Variants in SLITRK5 observed in about 807,000 individuals in gnomAD.
The protein encoded by SLITRK5 is SLIT and NTRK-like protein 5.
SLITRK5 carries 23 observed loss-of-function variants against 56.2 expected under a neutral mutation model. That is an observed-to-expected ratio of 0.41 (90% confidence interval 0.29 to 0.58). The LOEUF (loss-of-function observed/expected upper bound fraction) is 0.58. Among genes scored for constraint, SLITRK5 ranks in the 20% least tolerant of loss-of-function variants. SLITRK5 has a pLI of 0.30. For synonymous variants in SLITRK5, 637 were observed against 531.8 expected (o/e 1.20, Z -2.72); for missense variants, 1,289 against 1,226.6 (o/e 1.05, Z -0.76).
At chr13:87,673,583 T>C (rs1877138719) in intron 1 of SLITRK5, 2 of 1,241,794 alleles carry the variant, frequency 1.6e-6, no homozygotes, top group Admixed American at 2.3e-5. Flanking sequence ...AGGTAAACGT[T>C]TTGCTTTCAC....
Position 87,677,659 on chromosome 13 carries a change from C to T in SLITRK5, c.2271C>T (p.Gly757=), listed in dbSNP as rs1420536942. The change falls in exon 2 of 2, where the codon GGC becomes GGT. Residue 757 remains glycine (G), a synonymous_variant. Coordinates refer to ENST00000683689, the MANE Select transcript of SLITRK5 (RefSeq NM_001384609.1). The surrounding 1 kb of genome is among the most constrained non-coding windows in gnomAD (Gnocchi z 4.7). ...ATGAATACATCCCCCACCCACTGGG[C>T]CACATGTGCAAAAACCCCATCTACC... The part of the protein sequence containing the change: ...HVYEYIPHPL[G]HMCKNPIYRS... 1.2e-6 allele frequency: 2 copies of T among 1,606,964 alleles called. No individual in the cohort carries two copies. Among genetic ancestry groups the T allele is most frequent in the South Asian group, 1.1e-5 (1 of 90,894 alleles).
chr13:87,674,098 G>A (rs1199788260), intron 1 of SLITRK5, among the ~76,000 whole-genome samples: 1 of 151,874 alleles, frequency 6.6e-6, no homozygotes, highest in Non-Finnish European at 1.5e-5. Flanking sequence ...GAAGTAGGAA[G>A]TGGAAGGAAG....
intron 1 of SLITRK5, chr13:87,672,879 G>C (rs1714181654): frequency 6.4e-6 from 1 of 157,030 alleles, no homozygotes; most frequent in South Asian, 1.9e-4. Context: ...GTGTGTGTGT[G>C]TGTGTGTGTG....
intron 1 of SLITRK5, chr13:87,673,628 G>A (rs1877141410): frequency 2.7e-6 from 2 of 745,614 alleles, no homozygotes; most frequent in Non-Finnish European, 4.1e-6. Context: ...TTTAAGCCGG[G>A]AGACGTTTAC....
Position 87,676,396 on chromosome 13 carries a change from AC to A in SLITRK5, c.1011del (p.Asn338ThrfsTer54). 1 of 1,613,998 alleles carries A rather than the reference AC, an allele frequency of 6.2e-7. No individual in the cohort carries two copies. Among genetic ancestry groups the A allele is most frequent in the Non-Finnish European group, 8.5e-7 (1 of 1,180,000 alleles). On this transcript the variant is annotated frameshift_variant, in exon 2 of 2. Coordinates refer to ENST00000683689, the MANE Select transcript of SLITRK5 (RefSeq NM_001384609.1). LOFTEE classifies it high-confidence loss of function. ...PLKPPKGTRQ[P>X]NKPRVRPTSR... Reference sequence around the variant, plus strand: ...TGAAGCCCCCTAAGGGGACTCGCCAACCCAACAAGCCCAGGGTGCGCCCCAC... The same window carrying A: ...TGAAGCCCCCTAAGGGGACTCGCCAACCAACAAGCCCAGGGTGCGCCCCAC...
rs763429082 is a variant in SLITRK5, at chr13:87,678,167, C to T, written c.2779C>T (p.Pro927Ser). 15 of 1,614,080 alleles carry T rather than the reference C, an allele frequency of 9.3e-6. No homozygotes were observed. The East Asian group carries it at 3.1e-4, about 34-fold the overall frequency. ...YSPPSAVFVE[P>S]NRNEYLELKA... is the part of the protein sequence containing the mutation. Reference sequence around the variant, plus strand: ...CCCCCCGAGTGCTGTCTTTGTAGAACCCAACCGGAACGAATATCTGGAGTT... The same window carrying T: ...CCCCCCGAGTGCTGTCTTTGTAGAATCCAACCGGAACGAATATCTGGAGTT... Residue 927 changes from proline (P) to serine (S), a missense_variant, in exon 2 of 2, where the codon CCC becomes TCC. Physicochemically the swap from Pro to Ser is moderately conservative, Grantham distance 74 (BLOSUM62 -1). Coordinates refer to ENST00000683689, the MANE Select transcript of SLITRK5 (RefSeq NM_001384609.1).
Position 87,677,914 on chromosome 13 carries a change from G to A in SLITRK5, c.2526G>A (p.Glu842=). The A allele has an allele frequency of 6.2e-7, 1 of 1,613,730 alleles. No homozygotes were observed. Among genetic ancestry groups the A allele is most frequent in the Non-Finnish European group, 8.5e-7 (1 of 1,179,838 alleles). ...GCGTCAGCACCATCGAGCCCCGGGA[G>A]GACCTGCTGTCGCCGGTGCAGGACG... ...AYSVSTIEPR[E]DLLSPVQDAD... The change falls in exon 2 of 2, where the codon GAG becomes GAA. Residue 842 remains glutamate, a synonymous_variant. Transcript: ENST00000683689. This position sits in a 1 kb window ranked among gnomAD's most constrained non-coding sequence, Gnocchi z 4.7.
chr13:87,677,556 C>A lies in SLITRK5; in HGVS notation c.2168C>A (p.Thr723Lys). 6.2e-7 allele frequency: 1 copy of A among 1,608,440 alleles called. No individual in the cohort carries two copies. Among genetic ancestry groups the A allele is most frequent in the Middle Eastern group, 1.7e-4 (1 of 6,040 alleles). ...AGCGTGTACGGCGGCGGCGGCGGCA[C>A]GGGCGGCCACCCACACGCGCACGTG... ...QYSVYGGGGG[T>K]GGHPHAHVHH... Residue 723 changes from threonine (T) to lysine (K), a missense_variant, in exon 2 of 2, where the codon ACG becomes AAG. Thr to Lys is a moderately conservative substitution (Grantham distance 78). Transcript: ENST00000683689. This position sits in a 1 kb window ranked among gnomAD's most constrained non-coding sequence, Gnocchi z 4.7.
At position 87,672,142 on chromosome 13, in the gene SLITRK5, G is replaced by A. The variant is rs1877059850; in HGVS notation, c.-76G>A. Among the ~76,000 whole-genome samples the A allele has an allele frequency of 6.6e-6, 1 of 152,080 alleles. No individual in the cohort carries two copies. Among genetic ancestry groups the A allele is most frequent in the South Asian group, 2.1e-4 (1 of 4,832 alleles). ...CCAGGCCGGAGGGTGCGAGGAGCCA[G>A]AGGAGGCTGGAGGGGGCGGCGGCCA... On this transcript the variant is annotated 5_prime_UTR_variant, in exon 1 of 2. Transcript: ENST00000683689.
intron 1 of SLITRK5, among the ~76,000 whole-genome samples, chr13:87,673,918 G>C (rs1470793949): frequency 1.3e-5 from 2 of 152,030 alleles, no homozygotes; most frequent in Non-Finnish European, 2.9e-5. Context: ...GTTGACCAGA[G>C]AAAAGGCATA....
Position 87,675,711 on chromosome 13 carries a change from C to T in SLITRK5, c.323C>T (p.Ser108Leu), listed in dbSNP as rs2137943305. 2 of 1,614,144 alleles carry T rather than the reference C, an allele frequency of 1.2e-6. No homozygotes were observed. The highest frequency in any genetic ancestry group is 1.7e-6 in the Non-Finnish European group (2 of 1,180,044). The part of the protein sequence containing the change: ...PNEFVNYTGA[S>L]ILHLGSNVIQ... The stretch of plus-strand genomic sequence containing the variant: ...GAGTTTGTCAATTACACTGGGGCTT[C>T]AATTTTGCATCTAGGTAGCAATGTT... Residue 108 changes from serine to leucine, a missense_variant, in exon 2 of 2, where the codon TCA (serine) becomes TTA (leucine). Transcript: ENST00000683689.
chr13:87,678,654 CGCCCCT>C lies in SLITRK5; in HGVS notation c.*395_*400del, dbSNP rs1472994614. On this transcript the variant is annotated 3_prime_UTR_variant, in exon 2 of 2. Transcript: ENST00000683689. ...CCTCTTTTGCTTCCTCCCCCTCCCC[CGCCCCT>C]GCCCCACCTCTCTTTCTCCCCTTTT... 1 of 183,028 alleles carries C rather than the reference CGCCCCT, an allele frequency of 5.5e-6. No individual in the cohort carries two copies. The highest frequency in any genetic ancestry group is 2.4e-5 in the African/African-American group (1 of 41,860). 11.3% of individuals were successfully genotyped at this position (183,028 alleles called of 1,614,324 possible).
intron 1 of SLITRK5, among the ~76,000 whole-genome samples, 131 bp downstream of exon 1, chr13:87,672,340 A>G (rs998434598): frequency 2.0e-5 from 3 of 151,938 alleles, no homozygotes; most frequent in Admixed American, 1.3e-4. Flanking sequence ...GGCGGGGCTG[A>G]CCGTCACGTT....
In SLITRK5 at chr13:87,675,617, A is replaced by T; in HGVS notation, c.229A>T (p.Ser77Cys). ...GGGGATCATCAGTCTCTCTGAAATT[A>T]GCCCTCCCCGTTTCCCAATCTACCA... The part of the protein sequence containing the change: ...NRGIISLSEI[S>C]PPRFPIYHLL... Residue 77 changes from serine (S) to cysteine (C), a missense_variant, in exon 2 of 2, where the codon AGC (serine) becomes TGC (cysteine). By Grantham distance (112) the Ser-to-Cys change is moderately radical. Coordinates refer to ENST00000683689, the MANE Select transcript of SLITRK5 (RefSeq NM_001384609.1). 6.2e-7 allele frequency: 1 copy of T among 1,614,180 alleles called. No homozygotes were observed. The highest frequency in any genetic ancestry group is 8.5e-7 in the Non-Finnish European group (1 of 1,180,030).
rs200058964 is a variant in SLITRK5 at position 87,678,169 on chromosome 13, C to T, written c.2781C>T (p.Pro927=). Residue 927 remains proline (P), a synonymous_variant, in exon 2 of 2, where the codon CCC becomes CCT. Transcript: ENST00000683689. Reference sequence around the variant, plus strand: ...CCCCGAGTGCTGTCTTTGTAGAACCCAACCGGAACGAATATCTGGAGTTAA... The same window carrying T: ...CCCCGAGTGCTGTCTTTGTAGAACCTAACCGGAACGAATATCTGGAGTTAA... ...YSPPSAVFVE[P]NRNEYLELKA... 6.2e-7 allele frequency: 1 copy of T among 1,614,220 alleles called. No individual in the cohort carries two copies. The highest frequency in any genetic ancestry group is 1.3e-5 in the African/African-American group (1 of 75,066).
At position 87,672,122 on chromosome 13, in the gene SLITRK5, C is replaced by T. The variant is rs1283915994; in HGVS notation, c.-96C>T. Among the ~76,000 whole-genome samples, 1 of 151,958 alleles carries T rather than the reference C, an allele frequency of 6.6e-6. No homozygotes were observed. The highest frequency in any genetic ancestry group is 1.5e-5 in the Non-Finnish European group (1 of 67,976). Reference sequence around the variant, plus strand: ...GAGGGCCGGCCGGCGCGAACCCAGGCCGGAGGGTGCGAGGAGCCAGAGGAG... The same window carrying T: ...GAGGGCCGGCCGGCGCGAACCCAGGTCGGAGGGTGCGAGGAGCCAGAGGAG... On this transcript the variant is annotated 5_prime_UTR_variant, in exon 1 of 2. Coordinates refer to ENST00000683689, the MANE Select transcript of SLITRK5 (RefSeq NM_001384609.1).
rs1271705827 is a variant in SLITRK5 at position 87,677,833 on chromosome 13, G to A, written c.2445G>A (p.Leu815=). ...AGCAGCCCCCGCCGCAGCTGCAGCT[G>A]CAGCCCGGGGAGGAGGAGAGGCGGG... is the stretch of plus-strand genomic sequence containing the variant. ...PQQQPPPQLQ[L]QPGEEERRES... is the part of the protein sequence containing the mutation. The change falls in exon 2 of 2, where the codon CTG becomes CTA. Residue 815 remains leucine, a synonymous_variant. Transcript: ENST00000683689. The surrounding 1 kb of genome is among the most constrained non-coding windows in gnomAD (Gnocchi z 4.7). 13 of 1,611,568 alleles carry A rather than the reference G, an allele frequency of 8.1e-6. No individual in the cohort carries two copies. In the East Asian group the frequency reaches 2.7e-4, roughly 33 times the overall value.
chr13:87,676,742 G>T lies in SLITRK5; in HGVS notation c.1354G>T (p.Ala452Ser), dbSNP rs1158220445. The T allele has an allele frequency of 5.0e-6, 8 of 1,614,078 alleles. No individual in the cohort carries two copies. The highest frequency in any genetic ancestry group is 1.1e-5 in the South Asian group (1 of 91,086). The stretch of plus-strand genomic sequence containing the variant: ...CCGCATCTCGATGATCCAGGACCGC[G>T]CTTTCGGGGATCTCACCAACCTGAG... ...NNRISMIQDR[A>S]FGDLTNLRRL... The change falls in exon 2 of 2, where the codon GCT becomes TCT. Residue 452 changes from alanine to serine, a missense_variant. Ala to Ser is a moderately conservative substitution (Grantham distance 99). This residue lies in a region of SLITRK5 where 985 missense variants were observed against 906.0 expected (regional missense o/e 1.09). Coordinates refer to ENST00000683689, the MANE Select transcript of SLITRK5 (RefSeq NM_001384609.1).
At position 87,671,891 on chromosome 13, in the gene SLITRK5, G is replaced by C. The variant is rs1226478612; in HGVS notation, c.-327G>C. On this transcript the variant is annotated 5_prime_UTR_variant, in exon 1 of 2. Coordinates refer to ENST00000683689, the MANE Select transcript of SLITRK5 (RefSeq NM_001384609.1). Reference sequence around the variant, plus strand: ...GGCGGAGGACAGCGCAGGAGCTGCAGCCGCCGCCTTCGCTGGAGCAGCCGA... The same window carrying C: ...GGCGGAGGACAGCGCAGGAGCTGCACCCGCCGCCTTCGCTGGAGCAGCCGA... Among the ~76,000 whole-genome samples, 2 of 152,062 alleles carry C rather than the reference G, an allele frequency of 1.3e-5. No homozygotes were observed. Among genetic ancestry groups the C allele is most frequent in the East Asian group, 3.9e-4 (2 of 5,124 alleles).
Sources: gnomAD v4.1 joint callset for allele counts (sites outside exome capture counted in the v4.1 genomes callset) on GRCh38, gnomAD v4.1.1 for gene constraint, gnomAD v4.1.1 regional missense constraint, Gnocchi (gnomAD v3.1) non-coding constraint, MANE v1.5 for transcripts, NCBI Gene and HGNC (gene_info 2026-07-23, HGNC 2026-07-21) for gene names.